The following FAM13A variants were observed in gnomAD, a reference collection of about 807,000 sequenced individuals.
FAM13A encodes family with sequence similarity 13 member A, also known as protein FAM13A.
Under a neutral mutation model 129.6 loss-of-function variants are expected in FAM13A, and 76 were observed. The observed-to-expected ratio is 0.59, with a 90% CI of 0.49 to 0.71. FAM13A has a LOEUF of 0.71. FAM13A is among the 30% of genes least tolerant of loss of function. The probability of loss-of-function intolerance (pLI) is 0.00; values close to 1 mark genes in which losing one functional copy is unlikely to be tolerated. For synonymous variants in FAM13A, 443 were observed against 449.9 expected (o/e 0.98, Z 0.20); for missense variants, 1,108 against 1,249.3 (o/e 0.89, Z 1.70).
chr4:88,784,332 G>A (rs544003782), intron 10 of FAM13A, among the ~76,000 whole-genome samples: 1 of 152,238 alleles, frequency 6.6e-6, no homozygotes, highest in South Asian at 2.1e-4. Context: ...GACTTCAGGG[G>A]CACTTTATTT....
At chr4:88,963,644 G>A (rs1758947046) in intron 4 of FAM13A, among the ~76,000 whole-genome samples, 1 of 152,086 alleles carries the variant, frequency 6.6e-6, no homozygotes. Context: ...TCTATAGAAT[G>A]GCTGCAAATT....
At chr4:88,837,283 C>CTGTAATCCCTGACCAAATGATAA (rs1734978560) in intron 7 of FAM13A, among the ~76,000 whole-genome samples, 1 of 151,838 alleles carries the variant, frequency 6.6e-6, no homozygotes, top group Non-Finnish European at 1.5e-5. Flanking sequence ...GTGTGAGCCA[C>CTGTAATCCCTGACCAAATGATAA]TGCGCCTGAC....
At chr4:89,024,719 C>G (rs915469806) in intron 2 of FAM13A, among the ~76,000 whole-genome samples, 6 of 152,188 alleles carry the variant, frequency 3.9e-5, no homozygotes, top group Non-Finnish European at 5.9e-5. Context: ...AAACTTTATA[C>G]TACCCTTCAA....
intron 4 of FAM13A, among the ~76,000 whole-genome samples, chr4:88,974,777 GA>G (rs1760671800): frequency 6.6e-6 from 1 of 152,196 alleles, no homozygotes. Flanking sequence ...AAGAGATGAA[GA>G]GAGCTTGGGG....
At chr4:88,950,115 G>T (rs1275284575) in intron 4 of FAM13A, among the ~76,000 whole-genome samples, 1 of 151,778 alleles carries the variant, frequency 6.6e-6, no homozygotes, top group African/African-American at 2.4e-5. Context: ...ATCTATTTTA[G>T]ACACACAGTC....
intron 4 of FAM13A, among the ~76,000 whole-genome samples, chr4:88,954,015 A>G (rs746892945): frequency 1.3e-5 from 2 of 152,196 alleles, no homozygotes; most frequent in African/African-American, 4.8e-5. Context: ...AAAATGAGCC[A>G]AAGTGTTTGG....
chr4:88,777,264 G>A (rs1179276835), intron 11 of FAM13A, among the ~76,000 whole-genome samples: 1 of 152,146 alleles, frequency 6.6e-6, no homozygotes, highest in Non-Finnish European at 1.5e-5. Flanking sequence ...CACCTTAGAG[G>A]TTAGTTTTAG....
At chr4:88,872,301 C>A (rs1215311776) in intron 6 of FAM13A, among the ~76,000 whole-genome samples, 1 of 152,118 alleles carries the variant, frequency 6.6e-6, no homozygotes, top group Non-Finnish European at 1.5e-5. Context: ...ACAATATTAA[C>A]CTTAAATGTA....
In FAM13A at chr4:88,749,749, AAC is replaced by A; in HGVS notation, c.2079+20_2079+21del. 6.2e-7 allele frequency: 1 copy of A among 1,612,494 alleles called. No homozygotes were observed. Among genetic ancestry groups the A allele is most frequent in the Non-Finnish European group, 8.5e-7 (1 of 1,178,868 alleles). On this transcript the variant is annotated intron_variant, in intron 16 of 23. Coordinates refer to ENST00000264344, the MANE Select transcript of FAM13A (RefSeq NM_014883.4). ...TCCAGGGAGAGGATGAGGCGAAAAGAACAGTGTGAGGGGACACTTACTCTGTA... is the reference window on the plus strand; with the variant it reads ...TCCAGGGAGAGGATGAGGCGAAAAGAAGTGTGAGGGGACACTTACTCTGTA...
chr4:88,959,569 C>T (rs1351863770), intron 4 of FAM13A, among the ~76,000 whole-genome samples: 1 of 152,172 alleles, frequency 6.6e-6, no homozygotes, highest in African/African-American at 2.4e-5. Context: ...TGAGGCTTCC[C>T]GAGAAGCCCA....
intron 8 of FAM13A, among the ~76,000 whole-genome samples, chr4:88,798,457 G>A (rs1444958958): frequency 6.6e-6 from 1 of 152,052 alleles, no homozygotes; most frequent in East Asian, 1.9e-4. Flanking sequence ...ACACAACTCG[G>A]CTCTAGATGG....
Position 88,732,041 on chromosome 4 carries a change from C to G in FAM13A, c.2804G>C (p.Ser935Thr), listed in dbSNP as rs775703670. 1.2e-6 allele frequency: 2 copies of G among 1,613,834 alleles called. No individual in the cohort carries two copies. Among genetic ancestry groups the G allele is most frequent in the East Asian group, 2.2e-5 (1 of 44,868 alleles). The stretch of plus-strand genomic sequence containing the variant: ...GAGATTTGAAAGCCCTGTGTCCTGG[C>G]TGCATTTTGATGGTATTTTATCATC... ...PMDDKIPSKC[S>T]QDTGLSNLHA... is the part of the protein sequence containing the mutation. The change falls in exon 22 of 24, where the codon AGC becomes ACC. Residue 935 changes from serine to threonine, a missense_variant. By Grantham distance (58) the Ser-to-Thr change is moderately conservative (BLOSUM62 1). Coordinates refer to ENST00000264344, the MANE Select transcript of FAM13A (RefSeq NM_014883.4).
At chr4:88,876,631 G>A (rs548343905) in intron 6 of FAM13A, among the ~76,000 whole-genome samples, 104 of 151,618 alleles carry the variant, frequency 6.9e-4, no homozygotes, top group African/African-American at 1.9e-3. Flanking sequence ...TCGCTCTGTC[G>A]CCGAGGCTGG....
intron 21 of FAM13A, among the ~76,000 whole-genome samples, chr4:88,736,926 G>A (rs1419019733): frequency 6.6e-6 from 1 of 152,068 alleles, no homozygotes; most frequent in Non-Finnish European, 1.5e-5. Context: ...AGTCAAGAAG[G>A]AAAAAAGCCG....
In FAM13A at chr4:88,728,117, C is replaced by T. The variant is rs1226406255; in HGVS notation, c.*416G>A. 5.9e-6 allele frequency: 1 copy of T among 170,542 alleles called. No individual in the cohort carries two copies. The allele number at this position is 170,542 out of a possible 1,614,324, so 10.6% of individuals were successfully genotyped here. The stretch of plus-strand genomic sequence containing the variant: ...GCAAGTTTGCTCTATAGAATAAAGT[C>T]CTGAGCTTGTTTTTATCACAGTTAG... On this transcript the variant is annotated 3_prime_UTR_variant, in exon 24 of 24. Transcript: ENST00000264344.
At chr4:88,921,764 TAA>T (rs1751132391) in intron 5 of FAM13A, among the ~76,000 whole-genome samples, 1 of 151,992 alleles carries the variant, frequency 6.6e-6, no homozygotes, top group South Asian at 2.1e-4. Flanking sequence ...GCAAATTGGA[TAA>T]AGAGTCAAGA....
At chr4:89,004,116 C>T (rs1764662577) in intron 3 of FAM13A, among the ~76,000 whole-genome samples, 1 of 152,110 alleles carries the variant, frequency 6.6e-6, no homozygotes, top group Non-Finnish European at 1.5e-5. Context: ...TAAGCTACCA[C>T]ACCTGGCCAG....
chr4:88,783,515 TCTC>T (rs1723368082), intron 10 of FAM13A, among the ~76,000 whole-genome samples: 1 of 152,128 alleles, frequency 6.6e-6, no homozygotes. Flanking sequence ...GCCAGGCTCT[TCTC>T]AAACTCCTGC....
At chr4:88,955,573 G>A (rs1757623375) in intron 4 of FAM13A, among the ~76,000 whole-genome samples, 1 of 152,174 alleles carries the variant, frequency 6.6e-6, no homozygotes, top group South Asian at 2.1e-4. Context: ...GGAACACTTT[G>A]GAGGGCTCAG....
Sources: gnomAD v4.1 joint callset for allele counts (sites outside exome capture counted in the v4.1 genomes callset) on GRCh38, gnomAD v4.1.1 for gene constraint, MANE v1.5 for transcripts, NCBI Gene and HGNC (gene_info 2026-07-23, HGNC 2026-07-21) for gene names.